AGAP1: variants seen among roughly 807,000 people sequenced by gnomAD.
AGAP1 encodes arf-GAP with GTPase, ANK repeat and PH domain-containing protein 1.
In AGAP1, 29 loss-of-function variants were observed where a neutral mutation model predicts 105.3. That is an observed-to-expected ratio of 0.28 (90% CI 0.21 to 0.38). AGAP1 has a LOEUF of 0.38. Ranked by LOEUF, AGAP1 falls within the 10% of genes least tolerant of loss-of-function variation. AGAP1 has a pLI of 1.00. For synonymous variants in AGAP1, 509 were observed against 485.9 expected, an observed-to-expected ratio of 1.05 and a Z score of -0.63; for missense variants, 998 against 1,165.1, an observed-to-expected ratio of 0.86 and a Z score of 2.09.
chr2:236,118,867 T>A (rs2059835340), intron 16 of AGAP1, among the ~76,000 whole-genome samples: 1 of 151,750 alleles, frequency 6.6e-6, no homozygotes, highest in Admixed American at 6.6e-5. Flanking sequence ...TGCTGCAGAG[T>A]CTTGAGTTTT....
intron 1 of AGAP1, among the ~76,000 whole-genome samples, chr2:235,693,888 G>A (rs1033774322): frequency 1.3e-5 from 2 of 152,154 alleles, no homozygotes; most frequent in African/African-American, 4.8e-5. Flanking sequence ...GGTTAATGAC[G>A]TTCCCATTTG....
At chr2:235,738,457 G>A (rs990230619) in intron 3 of AGAP1, among the ~76,000 whole-genome samples, 1 of 152,148 alleles carries the variant, frequency 6.6e-6, no homozygotes, top group African/African-American at 2.4e-5. Context: ...TGGTGGGCTG[G>A]TGCCTGGGGC....
chr2:235,990,002 CA>C (rs2125449024), intron 13 of AGAP1, among the ~76,000 whole-genome samples: 1 of 152,180 alleles, frequency 6.6e-6, no homozygotes, highest in African/African-American at 2.4e-5. Flanking sequence ...TGTGAAGGAC[CA>C]GTGTCTCACG....
At chr2:235,636,991 A>G (rs115287309) in intron 1 of AGAP1, among the ~76,000 whole-genome samples, 2,845 of 152,112 alleles carry the variant, frequency 0.019, 82 homozygotes, top group African/African-American at 0.064. Flanking sequence ...ACCCTCCCTC[A>G]CCGCCCCTAA....
At chr2:235,940,774 C>G (rs2053223791) in intron 12 of AGAP1, among the ~76,000 whole-genome samples, 1 of 152,186 alleles carries the variant, frequency 6.6e-6, no homozygotes, top group African/African-American at 2.4e-5. Context: ...GCTTATGTGT[C>G]TTCTGCAGTA....
At chr2:236,048,406 G>C in intron 15 of AGAP1, among the ~76,000 whole-genome samples, 1 of 152,234 alleles carries the variant, frequency 6.6e-6, no homozygotes. Context: ...CTGCAAGTCA[G>C]CGTTGGTTGC....
Position 236,105,310 on chromosome 2 carries a change from G to C in AGAP1, c.2115-14882G>C, listed in dbSNP as rs2059456826. ...AGTTTTAACACGATAGCCAGGTAAG[G>C]GGGAAAGATGGGCGGAGCGGGGGAC... On this transcript the variant is annotated intron_variant, in intron 16 of 17. Transcript: ENST00000304032. This position sits in a 1 kb window ranked among gnomAD's most constrained non-coding sequence, Gnocchi z 4.2. 6.6e-6 allele frequency among the ~76,000 whole-genome samples: 1 copy of C among 152,156 alleles called. No individual in the cohort carries two copies. Among genetic ancestry groups the C allele is most frequent in the Non-Finnish European group, 1.5e-5 (1 of 68,026 alleles).
chr2:235,774,686 C>CG (rs138230528), intron 6 of AGAP1, among the ~76,000 whole-genome samples: 2 of 152,152 alleles, frequency 1.3e-5, no homozygotes, highest in Non-Finnish European at 2.9e-5. Context: ...ATCTTTATGG[C>CG]GGTACTTTGA....
chr2:235,936,885 T>A lies in AGAP1; in HGVS notation c.1483+5962T>A, dbSNP rs554796587. On this transcript the variant is annotated intron_variant, in intron 12 of 17. Coordinates refer to ENST00000304032, the MANE Select transcript of AGAP1 (RefSeq NM_001037131.3). This position sits in a 1 kb window ranked among gnomAD's most constrained non-coding sequence, Gnocchi z 4.7. ...CCATACTTATCATTATTAGCCAAAA[T>A]TCAAACCCAGATCTTTCTGATTTCA... is the stretch of plus-strand genomic sequence containing the variant. 5.3e-5 allele frequency among the ~76,000 whole-genome samples: 8 copies of A among 151,902 alleles called. No homozygotes were observed. The highest frequency in any genetic ancestry group is 1.9e-4 in the African/African-American group (8 of 41,466).
chr2:236,054,497 AAAGG>A (rs1441972169), intron 16 of AGAP1, among the ~76,000 whole-genome samples: 5 of 151,576 alleles, frequency 3.3e-5, no homozygotes, highest in African/African-American at 1.2e-4. Flanking sequence ...AAAAAAAAAA[AAAGG>A]GAGGGGGAGA....
chr2:235,728,933 G>A lies in AGAP1; in HGVS notation c.310+11289G>A, dbSNP rs970871477. Reference sequence around the variant, plus strand: ...GTGGAGGAATGGTCAAAACCCAGGCGTGATGTGACCACACCATCTGGCAGG... The same window carrying A: ...GTGGAGGAATGGTCAAAACCCAGGCATGATGTGACCACACCATCTGGCAGG... On this transcript the variant is annotated intron_variant, in intron 3 of 17. Transcript: ENST00000304032. This position sits in a 1 kb window ranked among gnomAD's most constrained non-coding sequence, Gnocchi z 4.3. Among the ~76,000 whole-genome samples, 4 of 151,514 alleles carry A rather than the reference G, an allele frequency of 2.6e-5. No homozygotes were observed. Among genetic ancestry groups the A allele is most frequent in the South Asian group, 2.1e-4 (1 of 4,828 alleles).
intron 16 of AGAP1, among the ~76,000 whole-genome samples, chr2:236,099,142 T>C (rs1353633459): frequency 6.6e-6 from 1 of 151,986 alleles, no homozygotes; most frequent in Admixed American, 6.6e-5. Context: ...TTTCAAAATA[T>C]ATTTGGGGAA....
chr2:236,108,461 C>A lies in AGAP1; in HGVS notation c.2115-11731C>A, dbSNP rs1226271797. Among the ~76,000 whole-genome samples the A allele has an allele frequency of 3.3e-5, 5 of 152,314 alleles. No homozygotes were observed. In the South Asian group the frequency reaches 6.2e-4, roughly 19 times the overall value. Reference sequence around the variant, plus strand: ...TCCTCACCCTGAGGGTGTTCCTCCACGCCAGCCCGCTCTGCTACAGAATCT... The same window carrying A: ...TCCTCACCCTGAGGGTGTTCCTCCAAGCCAGCCCGCTCTGCTACAGAATCT... On this transcript the variant is annotated intron_variant, in intron 16 of 17. Transcript: ENST00000304032.
In AGAP1 at chr2:236,119,681, G is replaced by T. The variant is rs540385095; in HGVS notation, c.2115-511G>T. 4.0e-5 allele frequency among the ~76,000 whole-genome samples: 6 copies of T among 151,232 alleles called. No homozygotes were observed. The South Asian group carries it at 6.3e-4, about 16-fold the overall frequency. On this transcript the variant is annotated intron_variant, in intron 16 of 17. Transcript: ENST00000304032. The surrounding 1 kb of genome is among the most constrained non-coding windows in gnomAD (Gnocchi z 6.6). ...CCCAGAGACCATGCTTCCATCGTGC[G>T]GTCCGTGCTCTCGGCCCCGGAGACC...
intron 11 of AGAP1, among the ~76,000 whole-genome samples, chr2:235,914,661 G>A (rs1256476960): frequency 6.6e-6 from 1 of 152,222 alleles, no homozygotes; most frequent in Non-Finnish European, 1.5e-5. Flanking sequence ...TGTCAGAGCA[G>A]CTGCCTTGTG....
intron 1 of AGAP1, among the ~76,000 whole-genome samples, chr2:235,539,496 C>T (rs953520467): frequency 1.4e-4 from 22 of 152,184 alleles, no homozygotes; most frequent in African/African-American, 5.3e-4. Flanking sequence ...CATGCTGCCT[C>T]CTTCCTTGTT....
intron 3 of AGAP1, among the ~76,000 whole-genome samples, chr2:235,730,185 A>G (rs1221682649): frequency 2.6e-5 from 4 of 152,096 alleles, no homozygotes; most frequent in Non-Finnish European, 4.4e-5. Flanking sequence ...AAAGCCGATT[A>G]TTATTTAATC....
chr2:235,708,875 G>A (rs1344021829), intron 1 of AGAP1, among the ~76,000 whole-genome samples: 1 of 152,202 alleles, frequency 6.6e-6, no homozygotes, highest in Non-Finnish European at 1.5e-5. Flanking sequence ...GAAGATACAC[G>A]CTCCACTGAA....
intron 10 of AGAP1, among the ~76,000 whole-genome samples, chr2:235,907,654 G>A (rs2051371488): frequency 6.6e-6 from 1 of 152,054 alleles, no homozygotes; most frequent in Non-Finnish European, 1.5e-5. Flanking sequence ...CTGTATTCAT[G>A]GGGGATTGGC....
Sources: gnomAD v4.1 joint callset for allele counts (sites outside exome capture counted in the v4.1 genomes callset) on GRCh38, gnomAD v4.1.1 for gene constraint, Gnocchi (gnomAD v3.1) non-coding constraint, MANE v1.5 for transcripts, NCBI Gene and HGNC (gene_info 2026-07-23, HGNC 2026-07-21) for gene names.